CDCP1: variants seen among roughly 807,000 people sequenced by gnomAD.
The protein encoded by CDCP1 is CUB domain-containing protein 1.
CDCP1 carries 29 observed loss-of-function variants against 60.2 expected under a neutral mutation model. That is an observed-to-expected ratio of 0.48 (90% CI 0.36 to 0.66). CDCP1 has a LOEUF of 0.66. CDCP1 is among the 30% of genes least tolerant of loss of function. The pLI, the probability that CDCP1 is intolerant of heterozygous loss-of-function variation, is 0.00. For missense variants in CDCP1, 876 were observed against 1,074.3 expected (o/e 0.82, Z 2.58); for synonymous variants, 387 against 431.1 (o/e 0.90, Z 1.27).
chr3:45,086,169 AC>A, intron 8 of CDCP1, 102 bp from the exon 9 acceptor site: 1 of 1,006,530 alleles, frequency 9.9e-7, no homozygotes, highest in Non-Finnish European at 1.5e-6. Context: ...TAGGGTTCTG[AC>A]CATGTCTCCC....
chr3:45,085,955 G>C lies in CDCP1; in HGVS notation c.2194C>G (p.His732Asp). The C allele has an allele frequency of 6.2e-7, 1 of 1,614,156 alleles. No homozygotes were observed. The highest frequency in any genetic ancestry group is 8.5e-7 in the Non-Finnish European group (1 of 1,180,002). ...FQKGRKDNDS[H>D]VYAVIEDTMV... ...GTGTCCTCGATGACTGCATACACAT[G>C]GGAGTCATTGTCCTTTCGCCCTTTC... The change falls in exon 9 of 9, where the codon CAT becomes GAT. Residue 732 changes from histidine (H) to aspartate (D), a missense_variant. Physicochemically the swap from His to Asp is moderately conservative, Grantham distance 81. Transcript: ENST00000296129. The surrounding 1 kb of genome is among the most constrained non-coding windows in gnomAD (Gnocchi z 4.2).
At position 45,084,654 on chromosome 3, in the gene CDCP1, G is replaced by C. The variant is rs530998196; in HGVS notation, c.*984C>G. Reference sequence around the variant, plus strand: ...GCTGACACCTTGATTTTCATTCAGGGACATCCATTTTGGAATTCTGATCCC... The same window carrying C: ...GCTGACACCTTGATTTTCATTCAGGCACATCCATTTTGGAATTCTGATCCC... On this transcript the variant is annotated 3_prime_UTR_variant, in exon 9 of 9. Transcript: ENST00000296129. 1 of 152,704 alleles carries C rather than the reference G, an allele frequency of 6.5e-6. No individual in the cohort carries two copies. The highest frequency in any genetic ancestry group is 2.4e-5 in the African/African-American group (1 of 41,572). The allele number at this position is 152,704 out of a possible 1,614,324, so 9.5% of individuals were successfully genotyped here. A position where few individuals can be genotyped will look rare whatever the true frequency, so the allele number is the denominator to read the frequency against.
intron 1 of CDCP1, among the ~76,000 whole-genome samples, chr3:45,145,923 C>CCTCCCGGACCGGGAGG (rs1039644975): frequency 6.6e-6 from 1 of 151,982 alleles, no homozygotes; most frequent in African/African-American, 2.4e-5. Context: ...CCGGGCTCAT[C>CCTCCCGGACCGGGAGG]CTCCCGGACC....
rs530288037 is a variant in CDCP1 at position 45,091,954 on chromosome 3, C to T, written c.1628-416G>A. On this transcript the variant is annotated intron_variant, in intron 6 of 8. Coordinates refer to ENST00000296129, the MANE Select transcript of CDCP1 (RefSeq NM_022842.5). This position sits in a 1 kb window ranked among gnomAD's most constrained non-coding sequence, Gnocchi z 4.8. ...GACTACAGGCATGAGCCACCATGACCGGCTAATTTTTTGTATTTTTAGTAG... is the reference window on the plus strand; with the variant it reads ...GACTACAGGCATGAGCCACCATGACTGGCTAATTTTTTGTATTTTTAGTAG... Among the ~76,000 whole-genome samples the T allele has an allele frequency of 5.5e-4, 84 of 152,184 alleles. No individual in the cohort carries two copies. The highest frequency in any genetic ancestry group is 9.9e-4 in the Non-Finnish European group (67 of 68,000).
At chr3:45,132,599 C>G (rs1362419792) in intron 1 of CDCP1, among the ~76,000 whole-genome samples, 1 of 152,150 alleles carries the variant, frequency 6.6e-6, no homozygotes, top group African/African-American at 2.4e-5. Context: ...TGCTTCTGTG[C>G]CTCATCACTT....
intron 5 of CDCP1, 42 bp downstream of exon 5, chr3:45,095,305 C>T: frequency 6.4e-7 from 1 of 1,569,150 alleles, no homozygotes; most frequent in Non-Finnish European, 8.8e-7. Context: ...GAGAGAAGAG[C>T]TATCCATGGC....
chr3:45,103,873 T>C (rs1698523146), intron 4 of CDCP1, among the ~76,000 whole-genome samples: 1 of 152,222 alleles, frequency 6.6e-6, no homozygotes, highest in African/African-American at 2.4e-5. Context: ...CAAATAAATC[T>C]CTTTTCTTTA....
intron 2 of CDCP1, 30 bp from the exon 3 acceptor site, chr3:45,112,475 T>C (rs1336027852): frequency 6.3e-7 from 1 of 1,596,060 alleles, no homozygotes; most frequent in Non-Finnish European, 8.5e-7. Flanking sequence ...GCAATTTTGA[T>C]CACAGATGCT....
chr3:45,129,352 G>A (rs1260257569), intron 1 of CDCP1, among the ~76,000 whole-genome samples: 2 of 152,160 alleles, frequency 1.3e-5, no homozygotes, highest in African/African-American at 2.4e-5. Flanking sequence ...ACACCGTATC[G>A]GTGAAGGAAT....
intron 1 of CDCP1, among the ~76,000 whole-genome samples, chr3:45,142,928 C>T (rs1432693182): frequency 3.3e-5 from 5 of 152,216 alleles, no homozygotes; most frequent in Admixed American, 6.5e-5. Flanking sequence ...AGAACATGGG[C>T]GCGGTGGCTC....
rs1365312613 is a variant in CDCP1 at position 45,093,503 on chromosome 3, C to T, written c.1401G>A (p.Leu467=). The change falls in exon 6 of 9, where the codon CTG becomes CTA. Residue 467 remains leucine (L), a synonymous_variant. Coordinates refer to ENST00000296129, the MANE Select transcript of CDCP1 (RefSeq NM_022842.5). ...AGGGCTTCTCGTGTGTATGCTGCTG[C>T]AGCTTCTGGGCTGGCACCAGCACCA... ...LSLVLVPAQK[L]QQHTHEKPCN... is the part of the protein sequence containing the mutation. 3.7e-6 allele frequency: 6 copies of T among 1,614,016 alleles called. No homozygotes were observed. Among genetic ancestry groups the T allele is most frequent in the Non-Finnish European group, 5.1e-6 (6 of 1,179,946 alleles).
chr3:45,116,411 C>T (rs531631376), intron 2 of CDCP1, among the ~76,000 whole-genome samples: 13 of 124,248 alleles, frequency 1.0e-4, no homozygotes, highest in Admixed American at 3.1e-4. Flanking sequence ...CATAGTGTTC[C>T]GTTAAAAAAA....
Position 45,091,620 on chromosome 3 carries a change from T to C in CDCP1, c.1628-82A>G, listed in dbSNP as rs1157921566. The C allele has an allele frequency of 3.4e-6, 5 of 1,462,634 alleles. No individual in the cohort carries two copies. In the African/African-American group the frequency reaches 5.6e-5, roughly 16 times the overall value. 90.6% of individuals were successfully genotyped at this position (1,462,634 alleles called of 1,614,324 possible). A position where few individuals can be genotyped will look rare whatever the true frequency, so the allele number is the denominator to read the frequency against. The stretch of plus-strand genomic sequence containing the variant: ...AAAGGGAGTGGTGGAGGAGACGAAG[T>C]CCAACTGTCCAGACCAGCGCTGTCT... On this transcript the variant is annotated intron_variant, in intron 6 of 8. Coordinates refer to ENST00000296129, the MANE Select transcript of CDCP1 (RefSeq NM_022842.5). The surrounding 1 kb of genome is among the most constrained non-coding windows in gnomAD (Gnocchi z 4.8).
At chr3:45,112,472 T>G in intron 2 of CDCP1, 27 bp from the exon 3 acceptor site, 1 of 1,598,992 alleles carries the variant, frequency 6.3e-7, no homozygotes, top group Non-Finnish European at 8.5e-7. Flanking sequence ...GAAGCAATTT[T>G]GATCACAGAT....
intron 4 of CDCP1, among the ~76,000 whole-genome samples, chr3:45,099,599 T>G (rs1394899597): frequency 7.2e-5 from 11 of 152,196 alleles, no homozygotes. Context: ...ATTTTTTCTC[T>G]GTAAAACTCC....
At chr3:45,088,702 G>A (rs1698241667) in intron 8 of CDCP1, among the ~76,000 whole-genome samples, 1 of 152,174 alleles carries the variant, frequency 6.6e-6, no homozygotes, top group South Asian at 2.1e-4. Context: ...AGTGGTTTCA[G>A]AGGCACAGTC....
intron 1 of CDCP1, among the ~76,000 whole-genome samples, chr3:45,121,503 C>T (rs1698882791): frequency 6.6e-6 from 1 of 152,250 alleles, no homozygotes; most frequent in Non-Finnish European, 1.5e-5. Context: ...GCAAGTGAAG[C>T]TGAGTCCAAT....
At chr3:45,107,383 T>A (rs1448241860) in intron 4 of CDCP1, among the ~76,000 whole-genome samples, 2 of 152,024 alleles carry the variant, frequency 1.3e-5, no homozygotes, top group African/African-American at 4.8e-5. Context: ...ATTTTTTGTA[T>A]TTTTAGTAGA....
At chr3:45,108,870 T>TATATATGCATGTATAC (rs1698631332) in intron 4 of CDCP1, among the ~76,000 whole-genome samples, 1 of 65,834 alleles carries the variant, frequency 1.5e-5, no homozygotes, top group Non-Finnish European at 3.1e-5. Flanking sequence ...TGCATGTATA[T>TATATATGCATGTATAC]ATATATATGC....
Sources: gnomAD v4.1 joint callset for allele counts (sites outside exome capture counted in the v4.1 genomes callset) on GRCh38, gnomAD v4.1.1 for gene constraint, Gnocchi (gnomAD v3.1) non-coding constraint, MANE v1.5 for transcripts, NCBI Gene and HGNC (gene_info 2026-07-23, HGNC 2026-07-21) for gene names.